Variants in GMDS observed in about 807,000 individuals in gnomAD.
The protein encoded by GMDS is GDP-mannose 4,6-dehydratase.
GMDS carries 20 observed loss-of-function variants against 49.9 expected under a neutral mutation model. That is an observed-to-expected ratio of 0.40 (90% CI 0.28 to 0.58). The LOEUF is 0.58. Among genes scored for constraint, GMDS ranks in the 20% least tolerant of loss-of-function variants. GMDS has a pLI of 0.42. For missense variants in GMDS, 362 were observed against 481.4 expected (o/e 0.75, Z 2.32); for synonymous variants, 177 against 178.6 (o/e 0.99, Z 0.07).
chr6:1,923,510 C>T (rs1486216207), intron 7 of GMDS, among the ~76,000 whole-genome samples: 1 of 152,220 alleles, frequency 6.6e-6, no homozygotes, highest in Non-Finnish European at 1.5e-5. Context: ...CTGCTGGTGA[C>T]CAGAGCAGCT....
chr6:1,633,467 C>T (rs1763055707), intron 9 of GMDS, among the ~76,000 whole-genome samples: 1 of 152,106 alleles, frequency 6.6e-6, no homozygotes, highest in Non-Finnish European at 1.5e-5. Context: ...TCTGGCAGCA[C>T]AAGAGTTGGC....
At chr6:1,667,866 T>C (rs890838944) in intron 9 of GMDS, among the ~76,000 whole-genome samples, 2 of 152,118 alleles carry the variant, frequency 1.3e-5, no homozygotes, top group Admixed American at 6.5e-5. Context: ...TTAAGAGGAA[T>C]TGAACATATT....
intron 7 of GMDS, among the ~76,000 whole-genome samples, chr6:1,767,152 C>T (rs1028445728): frequency 6.6e-6 from 1 of 152,086 alleles, no homozygotes; most frequent in Admixed American, 6.5e-5. Context: ...GAAATGTAAA[C>T]CACAAAGGGA....
intron 4 of GMDS, among the ~76,000 whole-genome samples, chr6:2,033,656 T>C (rs1561992268): frequency 1.3e-5 from 2 of 152,210 alleles, no homozygotes; most frequent in African/African-American, 2.4e-5. Flanking sequence ...AACTATCAGG[T>C]GTTCACCGCC....
chr6:1,914,758 C>T (rs770295737), intron 7 of GMDS, among the ~76,000 whole-genome samples: 16 of 152,162 alleles, frequency 1.1e-4, no homozygotes, highest in Admixed American at 8.5e-4. Flanking sequence ...CCTCTCCTGT[C>T]GCGCCCAACT....
intron 1 of GMDS, among the ~76,000 whole-genome samples, chr6:2,154,852 T>C (rs372128762): frequency 3.2e-5 from 3 of 95,036 alleles, no homozygotes; most frequent in South Asian, 3.3e-4. Flanking sequence ...AAGCCTCTTA[T>C]TGAAGAGATG....
At chr6:2,225,566 A>T (rs1267122035) in intron 1 of GMDS, among the ~76,000 whole-genome samples, 1 of 152,170 alleles carries the variant, frequency 6.6e-6, no homozygotes, top group Non-Finnish European at 1.5e-5. Flanking sequence ...CAAATGACGA[A>T]TCATTTGCCA....
At chr6:2,121,054 T>A (rs1775111560) in intron 2 of GMDS, among the ~76,000 whole-genome samples, 1 of 152,164 alleles carries the variant, frequency 6.6e-6, no homozygotes, top group Non-Finnish European at 1.5e-5. Context: ...CATCCCCATT[T>A]ACAGAAAAGG....
chr6:1,779,498 G>C (rs952652442), intron 7 of GMDS, among the ~76,000 whole-genome samples: 1 of 152,174 alleles, frequency 6.6e-6, no homozygotes. Flanking sequence ...ACTCTGGAAG[G>C]AAAGTTTTTG....
chr6:1,912,075 A>G (rs1418251751), intron 7 of GMDS, among the ~76,000 whole-genome samples: 1 of 152,212 alleles, frequency 6.6e-6, no homozygotes, highest in African/African-American at 2.4e-5. Context: ...ACTAAAAATA[A>G]GTGATCTTGG....
intron 7 of GMDS, among the ~76,000 whole-genome samples, chr6:1,895,761 C>T (rs1183819561): frequency 6.6e-6 from 1 of 152,186 alleles, no homozygotes; most frequent in Non-Finnish European, 1.5e-5. Context: ...AGGTTTTGTA[C>T]ATAGTTCTCA....
chr6:2,235,977 A>G (rs1781341200), intron 1 of GMDS, among the ~76,000 whole-genome samples: 1 of 152,168 alleles, frequency 6.6e-6, no homozygotes, highest in Admixed American at 6.5e-5. Flanking sequence ...GACAGCTTTT[A>G]TTGGCTACTA....
chr6:2,219,302 G>A (rs1364061416), intron 1 of GMDS, among the ~76,000 whole-genome samples: 1 of 152,090 alleles, frequency 6.6e-6, no homozygotes, highest in Non-Finnish European at 1.5e-5. Context: ...TGATAGAGAG[G>A]GTAGAAACTT....
chr6:1,743,660 G>A (rs1767373150), intron 7 of GMDS, among the ~76,000 whole-genome samples: 1 of 151,888 alleles, frequency 6.6e-6, no homozygotes, highest in Admixed American at 6.6e-5. Context: ...CACCAGCGCA[G>A]CCCCGCTCCC....
chr6:1,799,973 T>A (rs919786791), intron 7 of GMDS, among the ~76,000 whole-genome samples: 6 of 151,986 alleles, frequency 3.9e-5, no homozygotes, highest in South Asian at 4.2e-4. Context: ...TGTCTTTTTT[T>A]AAAAAAAATT....
At chr6:2,010,010 G>A (rs1255326813) in intron 4 of GMDS, among the ~76,000 whole-genome samples, 1 of 152,118 alleles carries the variant, frequency 6.6e-6, no homozygotes, top group Non-Finnish European at 1.5e-5. Context: ...AACGAACCCT[G>A]AGCAGGATAA....
rs1581145965 is a variant in GMDS, at chr6:1,757,027, A to G, written c.772-14441T>C. Among the ~76,000 whole-genome samples, 3 of 152,184 alleles carry G rather than the reference A, an allele frequency of 2.0e-5. No homozygotes were observed. The East Asian group carries it at 5.8e-4, about 29-fold the overall frequency. On this transcript the variant is annotated intron_variant, in intron 7 of 10. Coordinates refer to ENST00000380815, the MANE Select transcript of GMDS (RefSeq NM_001500.4). Reference sequence around the variant, plus strand: ...GGGAGGGGTTACCGTAGCCATCTCTAGAAAAAAATCTACCACAAAGAGCTA... The same window carrying G: ...GGGAGGGGTTACCGTAGCCATCTCTGGAAAAAAATCTACCACAAAGAGCTA...
intron 4 of GMDS, among the ~76,000 whole-genome samples, chr6:2,061,124 G>A (rs921340112): frequency 1.3e-5 from 2 of 152,108 alleles, no homozygotes; most frequent in African/African-American, 2.4e-5. Flanking sequence ...GCTGTGTCCT[G>A]GGTCTGCAAG....
At chr6:2,051,669 C>T (rs1046060003) in intron 4 of GMDS, among the ~76,000 whole-genome samples, 4 of 152,092 alleles carry the variant, frequency 2.6e-5, no homozygotes, top group South Asian at 2.1e-4. Context: ...GAGAAGTATT[C>T]CCTATTTTTG....
Sources: allele counts gnomAD v4.1 joint callset (sites outside exome capture counted in the v4.1 genomes callset), GRCh38; gene constraint gnomAD v4.1.1; transcripts MANE v1.5; gene names NCBI Gene and HGNC (gene_info 2026-07-23, HGNC 2026-07-21).